CFAP47: variants seen among roughly 807,000 people sequenced by gnomAD.
CFAP47 encodes the protein cilia and flagella associated protein 47, also known as cilia- and flagella-associated protein 47.
CFAP47 carries 29 observed loss-of-function variants against 148.1 expected under a neutral mutation model. The ratio of observed to expected loss-of-function variants is 0.20; its 90% confidence interval spans 0.15 to 0.27. CFAP47 has a LOEUF of 0.27. CFAP47 is among the 10% of genes least tolerant of loss of function. The pLI, the probability that CFAP47 is intolerant of heterozygous loss-of-function variation, is 1.00. For missense variants in CFAP47, 1,872 were observed against 1,697.5 expected (o/e 1.10, Z -1.81); for synonymous variants, 664 against 577.3 (o/e 1.15, Z -2.15).
rs1443634828 is a variant in CFAP47, at chrX:36,306,807, T to G, written c.8118T>G (p.Pro2706=). 8.6e-7 allele frequency: 1 copy of G among 1,158,849 alleles called. No homozygotes were observed. The highest frequency in any genetic ancestry group is 1.2e-6 in the Non-Finnish European group (1 of 867,577). The change falls in exon 55 of 64, where the codon CCT becomes CCG. Residue 2706 remains proline, a synonymous_variant. Coordinates refer to ENST00000378653, the MANE Select transcript of CFAP47 (RefSeq NM_001304548.2). ...CTCCTCACTCCACCACAGAATTACC[T>G]GTTCTCTTTTATCCTTCTGCACTTG... is the stretch of plus-strand genomic sequence containing the variant. ...IISPHSTTEL[P]VLFYPSALGR...
intron 33 of CFAP47, among the ~76,000 whole-genome samples, chrX:36,135,034 A>G (rs1200207552): frequency 4.5e-5 from 5 of 111,396 alleles, no homozygotes; most frequent in African/African-American, 1.6e-4. Context: ...ACCAAAATAC[A>G]TTAGAATTAC....
chrX:36,311,221 A>G (rs1252545553), intron 56 of CFAP47, among the ~76,000 whole-genome samples: 1 of 111,033 alleles, frequency 9.0e-6, no homozygotes, highest in Non-Finnish European at 1.9e-5. Flanking sequence ...AGTTCTTCCA[A>G]ATTTGGTCTA....
chrX:36,096,540 A>G (rs1157971372), intron 30 of CFAP47, among the ~76,000 whole-genome samples: 3 of 111,635 alleles, frequency 2.7e-5, no homozygotes, highest in South Asian at 7.3e-4. Flanking sequence ...TAGTGCAAAT[A>G]TATTTACAAT....
chrX:35,930,288 T>C (rs1277328410), intron 2 of CFAP47, among the ~76,000 whole-genome samples: 2 of 111,650 alleles, frequency 1.8e-5, no homozygotes, highest in African/African-American at 6.5e-5. Context: ...ATAAATCCAT[T>C]TTAGTCATCA....
chrX:36,277,697 T>C (rs1462273595), intron 49 of CFAP47, among the ~76,000 whole-genome samples: 1 of 112,385 alleles, frequency 8.9e-6, no homozygotes, highest in Non-Finnish European at 1.9e-5. Flanking sequence ...TTAAAGATAC[T>C]GGAAACATGT....
intron 29 of CFAP47, among the ~76,000 whole-genome samples, chrX:36,075,260 C>G: frequency 9.2e-6 from 1 of 108,254 alleles, no homozygotes; most frequent in Non-Finnish European, 1.9e-5. Flanking sequence ...TGGAGTCTCT[C>G]TCTGTCACCC....
intron 8 of CFAP47, among the ~76,000 whole-genome samples, chrX:35,957,062 A>C (rs2146648856): frequency 9.1e-6 from 1 of 109,439 alleles, no homozygotes; most frequent in Admixed American, 9.8e-5. Flanking sequence ...TATGAAAATT[A>C]GCCGGGCGTG....
In CFAP47 at chrX:36,079,349, A is replaced by G. The variant is rs771975649; in HGVS notation, c.4692-5965A>G. On this transcript the variant is annotated intron_variant, in intron 29 of 63. Coordinates refer to ENST00000378653, the MANE Select transcript of CFAP47 (RefSeq NM_001304548.2). ...AGATTTGGTCTTTTCACATAATTCC[A>G]TATTTCTTGGAGGCTTTGTTAGTTT... Among the ~76,000 whole-genome samples, 8 of 111,733 alleles carry G rather than the reference A, an allele frequency of 7.2e-5. No homozygotes were observed. The East Asian group carries it at 1.4e-3, about 20-fold the overall frequency.
intron 21 of CFAP47, among the ~76,000 whole-genome samples, chrX:36,002,508 G>T (rs1329201055): frequency 2.7e-5 from 3 of 110,685 alleles, no homozygotes; most frequent in African/African-American, 9.9e-5. Flanking sequence ...CTTGAACCTG[G>T]GAGGCAGAGG....
intron 44 of CFAP47, among the ~76,000 whole-genome samples, chrX:36,203,590 T>G (rs1375089147): frequency 2.7e-5 from 3 of 112,211 alleles, no homozygotes; most frequent in Non-Finnish European, 3.8e-5. Context: ...CCTGTCAGAT[T>G]GTGAAATCCT....
Position 35,935,041 on chromosome X carries a change from G to A in CFAP47, c.402-6242G>A, listed in dbSNP as rs758697691. On this transcript the variant is annotated intron_variant, in intron 2 of 63. Transcript: ENST00000378653. ...GCAGCCTGGAGTTGGGGAAAGGGTTGGCACAAGCACTCCCCTAGCCACACC... is the reference window on the plus strand; with the variant it reads ...GCAGCCTGGAGTTGGGGAAAGGGTTAGCACAAGCACTCCCCTAGCCACACC... 8.3e-4 allele frequency among the ~76,000 whole-genome samples: 92 copies of A among 111,171 alleles called. 2 individuals carry two copies. Among genetic ancestry groups the A allele is most frequent in the Admixed American group, 3.7e-3 (39 of 10,493 alleles).
intron 29 of CFAP47, among the ~76,000 whole-genome samples, chrX:36,074,808 T>C (rs1190769373): frequency 1.8e-5 from 2 of 111,744 alleles, no homozygotes; most frequent in Non-Finnish European, 3.8e-5. Context: ...CTTCAGCCTC[T>C]GATGACCACC....
At chrX:36,001,874 C>T (rs950236151) in intron 21 of CFAP47, among the ~76,000 whole-genome samples, 167 bp downstream of exon 21, 2 of 111,624 alleles carry the variant, frequency 1.8e-5, no homozygotes, top group African/African-American at 3.3e-5. Flanking sequence ...GGGTTTGGCT[C>T]ATGCTGCAGA....
At chrX:35,984,172 T>C (rs1029375383) in intron 15 of CFAP47, among the ~76,000 whole-genome samples, 1 of 111,943 alleles carries the variant, frequency 8.9e-6, no homozygotes, top group Non-Finnish European at 1.9e-5. Context: ...TTTCACTTTC[T>C]TTCTGGTTCA....
intron 39 of CFAP47, among the ~76,000 whole-genome samples, chrX:36,173,158 T>G (rs1244481432): frequency 8.9e-6 from 1 of 111,930 alleles, no homozygotes; most frequent in Non-Finnish European, 1.9e-5. Flanking sequence ...CCCTTTATCA[T>G]TTTTTATTGT....
At chrX:36,121,352 A>G (rs1430083982) in intron 33 of CFAP47, among the ~76,000 whole-genome samples, 1 of 110,667 alleles carries the variant, frequency 9.0e-6, no homozygotes, top group Non-Finnish European at 1.9e-5. Context: ...AGTTTAATTA[A>G]TTTACATTCA....
intron 22 of CFAP47, among the ~76,000 whole-genome samples, chrX:36,025,675 A>G (rs1211353849): frequency 2.7e-5 from 3 of 111,650 alleles, no homozygotes; most frequent in African/African-American, 9.8e-5. Flanking sequence ...AAAATATATT[A>G]TTTCAATGTT....
rs896460246 is a variant in CFAP47 at position 35,923,999 on chromosome X, GTA to G, written c.250-2014_250-2013del. Among the ~76,000 whole-genome samples, 84 of 101,109 alleles carry G rather than the reference GTA, an allele frequency of 8.3e-4. 5 individuals carry two copies. Among genetic ancestry groups the G allele is most frequent in the African/African-American group, 3.0e-3 (76 of 25,575 alleles). 87.8% of individuals were successfully genotyped at this position (101,109 alleles called of 115,157 possible). ...TATGTGTATATATGTACATATATGTGTATATGTGTAAATATATATGCACATAT... is the reference window on the plus strand; with the variant it reads ...TATGTGTATATATGTACATATATGTGTATGTGTAAATATATATGCACATAT... On this transcript the variant is annotated intron_variant, in intron 1 of 63. Coordinates refer to ENST00000378653, the MANE Select transcript of CFAP47 (RefSeq NM_001304548.2).
intron 49 of CFAP47, among the ~76,000 whole-genome samples, chrX:36,257,424 CT>C (rs59252656): frequency 3.0e-3 from 298 of 100,943 alleles, no homozygotes; most frequent in African/African-American, 2.7e-3. Flanking sequence ...TTTTTTCTTT[CT>C]TTTTTTTTTT....
Sources: allele counts gnomAD v4.1 joint callset (sites outside exome capture counted in the v4.1 genomes callset), GRCh38; gene constraint gnomAD v4.1.1; transcripts MANE v1.5; gene names NCBI Gene and HGNC (gene_info 2026-07-23, HGNC 2026-07-21).